Variants in DMC1 observed in about 807,000 individuals in gnomAD.
The protein encoded by DMC1 is DNA meiotic recombinase 1.
A neutral mutation model predicts 50.1 loss-of-function variants in DMC1; 27 were observed. The observed-to-expected ratio is 0.54, with a 90% CI of 0.40 to 0.74. The LOEUF is 0.74. DMC1 is among the 30% of genes least tolerant of loss of function. DMC1 has a pLI of 0.00. For missense variants in DMC1, 295 were observed against 420.2 expected, an observed-to-expected ratio of 0.70 and a Z score of 2.60; for synonymous variants, 148 against 136.1, an observed-to-expected ratio of 1.09 and a Z score of -0.61.
chr22:38,555,504 GTATCTATC>G (rs892374021), intron 5 of DMC1, 95 bp from the exon 6 acceptor site: 1 of 814,422 alleles, frequency 1.2e-6, no homozygotes, highest in Non-Finnish European at 2.1e-6. Flanking sequence ...TCCTATCTAT[GTATCTATC>G]TATCTATTCT....
intron 4 of DMC1, among the ~76,000 whole-genome samples, chr22:38,565,803 C>G (rs2090575536): frequency 6.6e-6 from 1 of 152,218 alleles, no homozygotes; most frequent in African/African-American, 2.4e-5. Context: ...CATATGTAGA[C>G]CCAACCACTG....
At position 38,547,708 on chromosome 22, in the gene DMC1, T is replaced by C. The variant is rs534934857; in HGVS notation, c.494+2217A>G. On this transcript the variant is annotated intron_variant, in intron 8 of 13. Transcript: ENST00000216024. ...GCATGTGCCGCCACGCCCGGCTAAT[T>C]TTGTATTTTTAGTAGAGACAGGGTT... Among the ~76,000 whole-genome samples the C allele has an allele frequency of 2.4e-4, 37 of 152,144 alleles. No homozygotes were observed. The South Asian group carries it at 7.7e-3, about 32-fold the overall frequency.
intron 5 of DMC1, among the ~76,000 whole-genome samples, chr22:38,558,278 T>G (rs2090489906): frequency 6.6e-6 from 1 of 152,000 alleles, no homozygotes; most frequent in East Asian, 1.9e-4. Context: ...TACAATACAC[T>G]AAATGTATAA....
chr22:38,563,074 A>G (rs1308374025), intron 4 of DMC1, among the ~76,000 whole-genome samples: 3 of 152,138 alleles, frequency 2.0e-5, no homozygotes, highest in African/African-American at 7.2e-5. Flanking sequence ...CAGCCAAATG[A>G]GATATAATTA....
intron 12 of DMC1, among the ~76,000 whole-genome samples, chr22:38,529,357 C>T (rs1221333680): frequency 6.6e-6 from 1 of 152,154 alleles, no homozygotes. Flanking sequence ...GAAAACCACC[C>T]ACAAACCTCC....
downstream of DMC1, among the ~76,000 whole-genome samples, chr22:38,515,672 G>A (rs1294878280): frequency 4.0e-5 from 6 of 151,572 alleles, no homozygotes; most frequent in Non-Finnish European, 7.4e-5. Flanking sequence ...AGTGGCGGGC[G>A]CCTGCAATCT....
chr22:38,566,764 ACTGATAAGATGCCAGC>A, intron 3 of DMC1, 28 bp from the exon 4 acceptor site: 1 of 1,610,888 alleles, frequency 6.2e-7, no homozygotes, highest in Non-Finnish European at 8.5e-7. Flanking sequence ...GGCACAGCAG[ACTGATAAGATGCCAGC>A]CTGCAAGGCT....
intron 5 of DMC1, among the ~76,000 whole-genome samples, chr22:38,556,488 A>AT (rs2090470295): frequency 6.6e-6 from 1 of 152,240 alleles, no homozygotes; most frequent in South Asian, 2.1e-4. Context: ...TAAACCAAAT[A>AT]TTATGGAGGA....
intron 12 of DMC1, among the ~76,000 whole-genome samples, chr22:38,526,076 C>G (rs1269069514): frequency 6.6e-6 from 1 of 152,022 alleles, no homozygotes; most frequent in African/African-American, 2.4e-5. Context: ...GACATAGCAG[C>G]CTTAACTCCA....
chr22:38,534,693 ACT>A (rs1198867884), intron 12 of DMC1, among the ~76,000 whole-genome samples: 1 of 149,944 alleles, frequency 6.7e-6, no homozygotes, highest in African/African-American at 2.5e-5. Context: ...ACAGAGCAAG[ACT>A]CTGTCTCAAA....
chr22:38,553,095 A>G (rs990322274), intron 6 of DMC1, among the ~76,000 whole-genome samples: 20 of 150,492 alleles, frequency 1.3e-4, no homozygotes, highest in Admixed American at 1.2e-3. Context: ...TGATCCGCCC[A>G]CCTCAGCCTC....
Position 38,521,639 on chromosome 22 carries a change from CTCTT to C in DMC1, c.918_921del (p.Arg307GlufsTer23). 1 of 1,613,288 alleles carries C rather than the reference CTCTT, an allele frequency of 6.2e-7. No homozygotes were observed. Among genetic ancestry groups the C allele is most frequent in the Non-Finnish European group, 8.5e-7 (1 of 1,179,620 alleles). On this transcript the variant is annotated frameshift_variant, in exon 13 of 14. Transcript: ENST00000216024. LOFTEE classifies it high-confidence loss of function. ...TAAATCTTGGCAATTCTGAGCTCTC[CTCTT>C]CCCTTTCGCAAGCTTATTCTTGTTG... is the stretch of plus-strand genomic sequence containing the variant.
Position 38,539,367 on chromosome 22 carries a change from G to T in DMC1, c.540C>A (p.Asp180Glu). 6.2e-7 allele frequency: 1 copy of T among 1,614,022 alleles called. No individual in the cohort carries two copies. Among genetic ancestry groups the T allele is most frequent in the Non-Finnish European group, 8.5e-7 (1 of 1,179,960 alleles). Residue 180 changes from aspartate (D) to glutamate (E), a missense_variant, in exon 9 of 14, where the codon GAC (aspartate) becomes GAA (glutamate). Transcript: ENST00000216024. ...LRDIADRFNVDHDAVLDNVLY... is the reference protein window; with the variant it reads ...LRDIADRFNVEHDAVLDNVLY... The stretch of plus-strand genomic sequence containing the variant: ...GTACGTTGTCCAGTACTGCATCATG[G>T]TCTACATTAAAGCGATCAGCAATGT...
intron 4 of DMC1, 105 bp downstream of exon 4, chr22:38,566,485 T>C: frequency 8.0e-7 from 1 of 1,256,154 alleles, no homozygotes; most frequent in Middle Eastern, 2.0e-4. Context: ...TACTGTGATC[T>C]ACAGGAACTC....
chr22:38,547,886 T>TCA (rs1310910004), intron 8 of DMC1, among the ~76,000 whole-genome samples: 1 of 152,196 alleles, frequency 6.6e-6, no homozygotes, highest in Non-Finnish European at 1.5e-5. Context: ...CCCTTGTTGT[T>TCA]TGTTTACATA....
chr22:38,510,562 A>G, the DMC1 span, among the ~76,000 whole-genome samples: 1 of 152,244 alleles, frequency 6.6e-6, no homozygotes, highest in Non-Finnish European at 1.5e-5. Context: ...GACCCCAGAT[A>G]TACAAGTGAG....
At chr22:38,528,330 T>G (rs1292074926) in intron 12 of DMC1, among the ~76,000 whole-genome samples, 1 of 151,488 alleles carries the variant, frequency 6.6e-6, no homozygotes, top group Non-Finnish European at 1.5e-5. Context: ...TCCCAAAGTG[T>G]TGGGATTACA....
chr22:38,518,765 T>A (rs2089994097), downstream of DMC1, among the ~76,000 whole-genome samples: 1 of 152,088 alleles, frequency 6.6e-6, no homozygotes, highest in South Asian at 2.1e-4. Context: ...ACTCCTGGGC[T>A]CAAGCAATTC....
downstream of DMC1, among the ~76,000 whole-genome samples, chr22:38,513,971 G>A (rs868065154): frequency 4.6e-5 from 7 of 152,204 alleles, no homozygotes; most frequent in Admixed American, 6.5e-5. Flanking sequence ...TGTGGGGAAG[G>A]CCTGTTTGAA....
Sources: allele counts gnomAD v4.1 joint callset (sites outside exome capture counted in the v4.1 genomes callset), GRCh38; gene constraint gnomAD v4.1.1; transcripts MANE v1.5; gene names NCBI Gene and HGNC (gene_info 2026-07-23, HGNC 2026-07-21).